Variants in C12orf42 observed in about 807,000 individuals in gnomAD.
C12orf42 encodes the protein chromosome 12 open reading frame 42, also known as uncharacterized protein C12orf42.
Under a neutral mutation model 21.6 loss-of-function variants are expected in C12orf42, and 25 were observed. The ratio of observed to expected loss-of-function variants is 1.16; its 90% CI spans 0.84 to 1.62. C12orf42 has a LOEUF of 1.62. Ranked by LOEUF, C12orf42 falls within the 40% of genes most tolerant of loss-of-function variation. The pLI is 0.00. For synonymous variants in C12orf42, 174 were observed against 175.0 expected, an observed-to-expected ratio of 0.99 and a Z score of 0.05; for missense variants, 483 against 459.3, an observed-to-expected ratio of 1.05 and a Z score of -0.47.
the C12orf42 span, among the ~76,000 whole-genome samples, chr12:103,206,393 G>T: frequency 2.0e-5 from 3 of 152,178 alleles, no homozygotes; most frequent in Non-Finnish European, 4.4e-5. Flanking sequence ...GCAGAAAAAT[G>T]AGGGAGCTAT....
chr12:103,469,944 A>G (rs138019777), intron 2 of C12orf42, among the ~76,000 whole-genome samples: 25 of 152,326 alleles, frequency 1.6e-4, no homozygotes, highest in African/African-American at 5.5e-4. Flanking sequence ...TGCTCATAAA[A>G]TTAACATATT....
At chr12:103,532,302 A>G in the C12orf42 span, among the ~76,000 whole-genome samples, 4 of 152,254 alleles carry the variant, frequency 2.6e-5, no homozygotes, top group Admixed American at 6.5e-5. Context: ...TGTATTAAAG[A>G]TGGGAAAACG....
chr12:103,384,759 A>T (rs2046465838), intron 3 of C12orf42, among the ~76,000 whole-genome samples: 2 of 152,220 alleles, frequency 1.3e-5, no homozygotes, highest in Non-Finnish European at 2.9e-5. Context: ...CACAATAGGT[A>T]TTCAAAGATG....
chr12:103,101,798 T>C, the C12orf42 span, among the ~76,000 whole-genome samples: 2 of 152,184 alleles, frequency 1.3e-5, no homozygotes, highest in Admixed American at 6.5e-5. Flanking sequence ...AACAAGGTGG[T>C]TGTTCTGGTG....
chr12:103,185,473 C>T, the C12orf42 span, among the ~76,000 whole-genome samples: 4 of 143,874 alleles, frequency 2.8e-5, no homozygotes, highest in African/African-American at 1.0e-4. Flanking sequence ...TTCTTTTTCC[C>T]TTCCTTCCTT....
chr12:103,548,740 AT>A, the C12orf42 span: 1 of 152,230 alleles, frequency 6.6e-6, no homozygotes, highest in East Asian at 1.9e-4. Flanking sequence ...AATTAAAGAT[AT>A]GTGGAAATGA....
chr12:103,289,131 A>G (rs949573576), intron 4 of C12orf42, among the ~76,000 whole-genome samples: 3 of 152,144 alleles, frequency 2.0e-5, no homozygotes, highest in African/African-American at 7.2e-5. Flanking sequence ...GTACTAATAT[A>G]TTACATATTT....
At chr12:103,450,731 A>G (rs1039161458) in intron 2 of C12orf42, among the ~76,000 whole-genome samples, 1 of 152,096 alleles carries the variant, frequency 6.6e-6, no homozygotes, top group Non-Finnish European at 1.5e-5. Context: ...TGGTTCTACC[A>G]TGAATCTTGG....
chr12:103,053,465 G>A, the C12orf42 span, among the ~76,000 whole-genome samples: 2 of 151,508 alleles, frequency 1.3e-5, no homozygotes, highest in Admixed American at 1.3e-4. Flanking sequence ...TCTTAATGTT[G>A]GATTTGAGAG....
chr12:103,224,675 A>T, the C12orf42 span, among the ~76,000 whole-genome samples: 6 of 152,250 alleles, frequency 3.9e-5, no homozygotes, highest in Non-Finnish European at 5.9e-5. Flanking sequence ...AAGAAAATAG[A>T]TTTTGGAAGT....
intron 2 of C12orf42, among the ~76,000 whole-genome samples, chr12:103,406,613 A>G (rs1426552945): frequency 6.6e-6 from 1 of 152,208 alleles, no homozygotes; most frequent in Non-Finnish European, 1.5e-5. Context: ...TTGGTTTGCC[A>G]TTTACTATGT....
chr12:103,210,643 T>TTC, the C12orf42 span, among the ~76,000 whole-genome samples: 2 of 148,150 alleles, frequency 1.3e-5, no homozygotes, highest in African/African-American at 5.0e-5. Flanking sequence ...CTATTTCTTT[T>TTC]TTTTTTTTTT....
the C12orf42 span, among the ~76,000 whole-genome samples, chr12:103,075,570 T>C: frequency 6.6e-6 from 1 of 152,236 alleles, no homozygotes; most frequent in Non-Finnish European, 1.5e-5. Context: ...AAAATCTGTC[T>C]TATTTCATGG....
chr12:103,418,920 C>T (rs150352746), intron 2 of C12orf42, among the ~76,000 whole-genome samples: 2 of 151,218 alleles, frequency 1.3e-5, no homozygotes, highest in African/African-American at 4.9e-5. Context: ...TCCACATGTG[C>T]TTCTGGTAGT....
At chr12:103,104,384 G>T in the C12orf42 span, among the ~76,000 whole-genome samples, 1 of 152,206 alleles carries the variant, frequency 6.6e-6, no homozygotes, top group South Asian at 2.1e-4. Context: ...GGGGATGTCA[G>T]ATTTGGATCT....
At chr12:103,255,945 C>T (rs1357565946) in intron 10 of C12orf42, among the ~76,000 whole-genome samples, 24 of 146,140 alleles carry the variant, frequency 1.6e-4, no homozygotes, top group Admixed American at 1.2e-3. Context: ...CCCAGCTACT[C>T]GGGAGGCTGA....
At chr12:103,190,271 C>T in the C12orf42 span, among the ~76,000 whole-genome samples, 2 of 152,194 alleles carry the variant, frequency 1.3e-5, no homozygotes, top group Non-Finnish European at 2.9e-5. Flanking sequence ...AGTGAGAAGA[C>T]TCAGCAAGCT....
At chr12:103,402,608 A>T (rs1298058551) in intron 2 of C12orf42, among the ~76,000 whole-genome samples, 1 of 152,214 alleles carries the variant, frequency 6.6e-6, no homozygotes, top group African/African-American at 2.4e-5. Flanking sequence ...TTAGAGTCTA[A>T]AGCAGGAGGT....
chr12:103,526,995 T>C, the C12orf42 span, among the ~76,000 whole-genome samples: 660 of 152,284 alleles, frequency 4.3e-3, 4 homozygotes, highest in African/African-American at 0.015. Context: ...GCGTTAGTGG[T>C]TCCCATTCAA....
Sources: gnomAD v4.1 joint callset for allele counts (sites outside exome capture counted in the v4.1 genomes callset) on GRCh38, gnomAD v4.1.1 for gene constraint, MANE v1.5 for transcripts, NCBI Gene and HGNC (gene_info 2026-07-23, HGNC 2026-07-21) for gene names.